The following DGKI variants were observed in gnomAD, a reference collection of about 807,000 sequenced individuals.
The protein encoded by DGKI is diacylglycerol kinase iota.
DGKI carries 55 observed loss-of-function variants against 147.5 expected under a neutral mutation model. The observed-to-expected ratio is 0.37, with a 90% CI of 0.30 to 0.47. The LOEUF (loss-of-function observed/expected upper bound fraction) is 0.47, where lower values mean the gene tolerates loss of function less well. DGKI is among the 20% of genes least tolerant of loss of function. DGKI has a pLI of 1.00. For synonymous variants in DGKI, 469 were observed against 477.1 expected (o/e 0.98, Z 0.22); for missense variants, 1,007 against 1,323.8 (o/e 0.76, Z 3.71).
At chr7:137,515,160 T>C (rs1237886070) in intron 21 of DGKI, among the ~76,000 whole-genome samples, 17 of 152,200 alleles carry the variant, frequency 1.1e-4, no homozygotes, top group Non-Finnish European at 7.3e-5. Flanking sequence ...ATACATGCAC[T>C]CTTTTTGTTC....
chr7:137,562,654 T>C (rs770433669), intron 19 of DGKI, among the ~76,000 whole-genome samples: 1 of 152,196 alleles, frequency 6.6e-6, no homozygotes. Flanking sequence ...CAGTAAAATA[T>C]TAATAGCATT....
chr7:137,625,743 T>TAA (rs11302496), intron 6 of DGKI, among the ~76,000 whole-genome samples: 22 of 128,924 alleles, frequency 1.7e-4, no homozygotes, highest in African/African-American at 5.4e-4. Context: ...ATATTAAAAT[T>TAA]AAAAAAAAAA....
chr7:137,409,824 C>G (rs1412509302), intron 29 of DGKI, among the ~76,000 whole-genome samples: 1 of 152,100 alleles, frequency 6.6e-6, no homozygotes, highest in Non-Finnish European at 1.5e-5. Flanking sequence ...TTTGTGACAG[C>G]CTTCACACAG....
intron 1 of DGKI, among the ~76,000 whole-genome samples, chr7:137,711,732 T>C (rs2116568772): frequency 6.9e-6 from 1 of 144,374 alleles, no homozygotes; most frequent in Non-Finnish European, 1.5e-5. Flanking sequence ...TCTCGCTCTG[T>C]CACCTGGCTG....
chr7:137,583,902 A>G (rs1165444359), intron 14 of DGKI, among the ~76,000 whole-genome samples: 1 of 152,206 alleles, frequency 6.6e-6, no homozygotes, highest in Non-Finnish European at 1.5e-5. Flanking sequence ...CATGATATCT[A>G]CTAGAAATCT....
At position 137,407,930 on chromosome 7, in the gene DGKI, A is replaced by G; in HGVS notation, c.2865T>C (p.Leu955=). 1 of 1,614,150 alleles carries G rather than the reference A, an allele frequency of 6.2e-7. No individual in the cohort carries two copies. Among genetic ancestry groups the G allele is most frequent in the Non-Finnish European group, 8.5e-7 (1 of 1,179,974 alleles). The part of the protein sequence containing the change: ...LIQGPDHCSL[L]HYAAKTGNGE... The stretch of plus-strand genomic sequence containing the variant: ...CGTTGCCGGTTTTAGCTGCGTAGTG[A>G]AGGAGTGAACAGTGGTCTGGTCCCT... Residue 955 remains leucine, a synonymous_variant, in exon 30 of 33, where the codon CTT becomes CTC. Transcript: ENST00000614521.
At chr7:137,417,274 T>A (rs1295671384) in intron 28 of DGKI, among the ~76,000 whole-genome samples, 2 of 152,170 alleles carry the variant, frequency 1.3e-5, no homozygotes, top group East Asian at 3.8e-4. Flanking sequence ...AATATTAAGT[T>A]TCTTGGAAAA....
intron 12 of DGKI, among the ~76,000 whole-genome samples, chr7:137,592,358 T>TTTCC (rs1343938916): frequency 1.3e-5 from 2 of 152,224 alleles, no homozygotes; most frequent in Non-Finnish European, 2.9e-5. Context: ...TGCAAAGTTC[T>TTTCC]TTCCTTCCTT....
intron 19 of DGKI, among the ~76,000 whole-genome samples, chr7:137,569,159 C>T (rs1486544528): frequency 6.6e-6 from 1 of 152,022 alleles, no homozygotes; most frequent in East Asian, 1.9e-4. Flanking sequence ...GACAGAACCT[C>T]AACTTTACAG....
At chr7:137,651,322 G>A (rs1822018795) in intron 5 of DGKI, among the ~76,000 whole-genome samples, 1 of 152,042 alleles carries the variant, frequency 6.6e-6, no homozygotes, top group Non-Finnish European at 1.5e-5. Flanking sequence ...ACAGTTGGAT[G>A]GATTTGAAAT....
chr7:137,612,234 T>G (rs886432769), intron 8 of DGKI, among the ~76,000 whole-genome samples: 5 of 150,696 alleles, frequency 3.3e-5, no homozygotes, highest in African/African-American at 1.2e-4. Context: ...TTTTTTTTTT[T>G]TTTTTTTTGT....
At chr7:137,771,871 G>A (rs1461142702) in intron 1 of DGKI, 1 of 152,170 alleles carries the variant, frequency 6.6e-6, no homozygotes, top group Non-Finnish European at 1.5e-5. Flanking sequence ...CTAATAAGAT[G>A]ACACTGTTCT....
At chr7:137,564,401 C>T (rs1039483198) in intron 19 of DGKI, among the ~76,000 whole-genome samples, 3 of 151,810 alleles carry the variant, frequency 2.0e-5, no homozygotes, top group African/African-American at 7.3e-5. Flanking sequence ...TTAAAACATG[C>T]TCATCAAAAC....
At chr7:137,546,626 T>C (rs530660875) in intron 20 of DGKI, among the ~76,000 whole-genome samples, 1 of 152,346 alleles carries the variant, frequency 6.6e-6, no homozygotes, top group East Asian at 1.9e-4. Flanking sequence ...CTTTTCTCCC[T>C]TCTTTTATAT....
chr7:137,546,428 T>C (rs1563078439), intron 20 of DGKI, among the ~76,000 whole-genome samples: 1 of 152,208 alleles, frequency 6.6e-6, no homozygotes, highest in African/African-American at 2.4e-5. Context: ...CCAGGCTTTA[T>C]AGGAACACTC....
intron 1 of DGKI, 27 bp from the exon 2 acceptor site, chr7:137,690,029 A>AC: frequency 6.4e-7 from 1 of 1,550,594 alleles, no homozygotes; most frequent in Non-Finnish European, 8.7e-7. Flanking sequence ...AACAAAAACA[A>AC]AAACAAAGAA....
At chr7:137,647,861 T>C (rs1221268634) in intron 5 of DGKI, among the ~76,000 whole-genome samples, 1 of 152,194 alleles carries the variant, frequency 6.6e-6, no homozygotes, top group East Asian at 1.9e-4. Flanking sequence ...GTAGGGCACA[T>C]TATCAGAGGG....
chr7:137,641,239 T>C lies in DGKI; in HGVS notation c.804+4233A>G, dbSNP rs1334560100. 2.0e-5 allele frequency among the ~76,000 whole-genome samples: 3 copies of C among 152,182 alleles called. No homozygotes were observed. The East Asian group carries it at 5.8e-4, about 29-fold the overall frequency. ...AAGCCTCCCCAGCCACGTGGAACTG[T>C]AAATCCAATAAACCCCTTTCTTTTG... On this transcript the variant is annotated intron_variant, in intron 6 of 32. Transcript: ENST00000614521.
intron 1 of DGKI, chr7:137,771,707 G>T (rs1186132491): frequency 6.6e-6 from 1 of 152,194 alleles, no homozygotes; most frequent in East Asian, 1.9e-4. Context: ...TTCATGGAAA[G>T]TGTGACCTCA....
Sources: allele counts gnomAD v4.1 joint callset (sites outside exome capture counted in the v4.1 genomes callset), GRCh38; gene constraint gnomAD v4.1.1; transcripts MANE v1.5; gene names NCBI Gene and HGNC (gene_info 2026-07-23, HGNC 2026-07-21).